ZNF574: variants seen among roughly 807,000 people sequenced by gnomAD.
ZNF574 encodes zinc finger protein 574.
ZNF574 carries 25 observed loss-of-function variants against 56.6 expected under a neutral mutation model. That is an observed-to-expected ratio of 0.44 (90% CI 0.32 to 0.62). The LOEUF is 0.62. Among genes scored for constraint, ZNF574 ranks in the 20% least tolerant of loss-of-function variants. ZNF574 has a pLI of 0.04. For missense variants in ZNF574, 1,065 were observed against 1,218.9 expected, an observed-to-expected ratio of 0.87 and a Z score of 1.88; for synonymous variants, 543 against 492.1, an observed-to-expected ratio of 1.10 and a Z score of -1.37.
chr19:42,074,952 C>T, upstream of ZNF574: 1 of 152,408 alleles, frequency 6.6e-6, no homozygotes, highest in Non-Finnish European at 1.5e-5. Flanking sequence ...GGCGTGATCT[C>T]GGCTCACTGC....
rs1410720746 is a variant in ZNF574 at position 42,080,964 on chromosome 19, C to T, written c.2358C>T (p.Arg786=). The T allele has an allele frequency of 6.2e-7, 1 of 1,614,154 alleles. No homozygotes were observed. Among genetic ancestry groups the T allele is most frequent in the East Asian group, 2.2e-5 (1 of 44,882 alleles). Residue 786 remains arginine, a synonymous_variant, in exon 2 of 2, where the codon CGC becomes CGT. Coordinates refer to ENST00000359044, the MANE Select transcript of ZNF574 (RefSeq NM_022752.6). The surrounding 1 kb of genome is among the most constrained non-coding windows in gnomAD (Gnocchi z 8.5). The part of the protein sequence containing the change: ...RQSTHLKDHR[R]LHTGERPFAC... ...GTACCCACCTGAAAGACCACCGGCGCCTGCACACAGGTGAGCGGCCCTTTG... is the reference window on the plus strand; with the variant it reads ...GTACCCACCTGAAAGACCACCGGCGTCTGCACACAGGTGAGCGGCCCTTTG...
intron 1 of ZNF574, among the ~76,000 whole-genome samples, chr19:42,077,780 T>C (rs2076465933): frequency 6.6e-6 from 1 of 151,998 alleles, no homozygotes; most frequent in Non-Finnish European, 1.5e-5. Flanking sequence ...GTCTGGGTAT[T>C]CTGGATAGGG....
chr19:42,071,010 T>G (rs1194239470), intron 1 of ZNF574: 3 of 152,142 alleles, frequency 2.0e-5, no homozygotes, highest in Non-Finnish European at 4.4e-5. Context: ...GGTGAGGGGA[T>G]GGGTGGTGAG....
exon 1 of ZNF574, chr19:42,068,642 C>T (rs1475031102): frequency 9.4e-6 from 4 of 427,600 alleles, no homozygotes; most frequent in Admixed American, 4.3e-5. Context: ...AGAGACCTGC[C>T]GAGGGAGACT....
chr19:42,080,585 C>A lies in ZNF574; in HGVS notation c.1979C>A (p.Ala660Asp). 6.2e-7 allele frequency: 1 copy of A among 1,612,900 alleles called. No homozygotes were observed. The highest frequency in any genetic ancestry group is 8.5e-7 in the Non-Finnish European group (1 of 1,179,824). Reference protein sequence around the residue: ...RLREHRCAAAAAQAPRRFECG... With the variant: ...RLREHRCAAADAQAPRRFECG... ...CGGGAGCACCGCTGTGCAGCCGCTG[C>A]TGCCCAGGCCCCACGGCGCTTTGAG... The change falls in exon 2 of 2, where the codon GCT (alanine) becomes GAT (aspartate). Residue 660 changes from alanine to aspartate, a missense_variant. Ala to Asp is a moderately radical substitution (Grantham distance 126). Coordinates refer to ENST00000359044, the MANE Select transcript of ZNF574 (RefSeq NM_022752.6). This position sits in a 1 kb window ranked among gnomAD's most constrained non-coding sequence, Gnocchi z 8.5.
In ZNF574 at chr19:42,076,171, C is replaced by G. The variant is rs958994217; in HGVS notation, c.-136C>G. ...TGCTGAGGGTAGCTGGGGGCGAGAG[C>G]GAGGCTACGGAGCAGGCGAGAGGCG... On this transcript the variant is annotated 5_prime_UTR_variant, in exon 1 of 2. Coordinates refer to ENST00000359044, the MANE Select transcript of ZNF574 (RefSeq NM_022752.6). 1 of 152,348 alleles carries G rather than the reference C, an allele frequency of 6.6e-6. No homozygotes were observed. The highest frequency in any genetic ancestry group is 1.5e-5 in the Non-Finnish European group (1 of 68,190). 9.4% of individuals were successfully genotyped at this position (152,348 alleles called of 1,614,324 possible).
At chr19:42,073,488 A>G (rs1286594840), upstream of ZNF574, among the ~76,000 whole-genome samples, 4 of 150,834 alleles carry the variant, frequency 2.7e-5, no homozygotes, top group Non-Finnish European at 4.4e-5. Context: ...GAGTTCTGAG[A>G]CCAGCCTGGG....
At chr19:42,076,005 G>A (rs561541142), upstream of ZNF574, among the ~76,000 whole-genome samples, 11 of 152,256 alleles carry the variant, frequency 7.2e-5, no homozygotes, top group East Asian at 1.9e-4. Context: ...GGGCGCTGCG[G>A]GGAATCTCGA....
At chr19:42,077,813 C>G (rs2076466242) in intron 1 of ZNF574, among the ~76,000 whole-genome samples, 1 of 151,916 alleles carries the variant, frequency 6.6e-6, no homozygotes, top group African/African-American at 2.4e-5. Context: ...AGGAGAGGGC[C>G]TTGATTTGTA....
Position 42,078,580 on chromosome 19 carries a change from C to G in ZNF574, c.-20-7C>G, listed in dbSNP as rs761947754. 42 of 1,596,604 alleles carry G rather than the reference C, an allele frequency of 2.6e-5. No individual in the cohort carries two copies. In the South Asian group the frequency reaches 4.7e-4, roughly 18 times the overall value. ...AACTGGTTTGTCCCCACTGTCTCCT[C>G]TTCCAGCCCAGGGCCTTGCTGCCGC... On this transcript the variant is annotated splice_region_variant and splice_polypyrimidine_tract_variant and intron_variant, in intron 1 of 1. Transcript: ENST00000359044.
In ZNF574 at chr19:42,079,083, T is replaced by G. The variant is rs2076475718; in HGVS notation, c.477T>G (p.Pro159=). Residue 159 remains proline, a synonymous_variant, in exon 2 of 2, where the codon CCT becomes CCG. Transcript: ENST00000359044. This position sits in a 1 kb window ranked among gnomAD's most constrained non-coding sequence, Gnocchi z 4.3. ...CCACACCCACCAAGGCTCCTGCCCC[T>G]GTTGTCCTGGGGTCCCCAGTTGTTC... The part of the protein sequence containing the change: ...LRATPTKAPA[P]VVLGSPVVLG... 6.2e-7 allele frequency: 1 copy of G among 1,614,124 alleles called. No individual in the cohort carries two copies.
rs771668271 is a variant in ZNF574, at chr19:42,079,236, G to T, written c.630G>T (p.Glu210Asp). Residue 210 changes from glutamate (E) to aspartate (D), a missense_variant, in exon 2 of 2, where the codon GAG becomes GAT. Physicochemically the swap from Glu to Asp is conservative, Grantham distance 45 (BLOSUM62 2). Coordinates refer to ENST00000359044, the MANE Select transcript of ZNF574 (RefSeq NM_022752.6). This position sits in a 1 kb window ranked among gnomAD's most constrained non-coding sequence, Gnocchi z 4.3. The part of the protein sequence containing the change: ...ATTTEVVTEV[E>D]LLLYKCSECS... ...CCACTGAGGTAGTGACTGAGGTGGA[G>T]CTGCTCCTCTACAAGTGCTCTGAGT... The T allele has an allele frequency of 1.2e-6, 2 of 1,614,056 alleles. 1 individual carries two copies. The highest frequency in any genetic ancestry group is 3.3e-5 in the Admixed American group (2 of 60,024).
upstream of ZNF574, among the ~76,000 whole-genome samples, chr19:42,074,456 TAAATAAAATAAAATAAAATA>T (rs58694360): frequency 8.9e-5 from 13 of 146,050 alleles, no homozygotes; most frequent in Admixed American, 2.0e-4. Flanking sequence ...CTCTGTCTCA[TAAATAAAATAAAATAAAATA>T]AAATAAAATA....
At chr19:42,076,816 C>A (rs887503114) in intron 1 of ZNF574, among the ~76,000 whole-genome samples, 1 of 151,868 alleles carries the variant, frequency 6.6e-6, no homozygotes, top group Non-Finnish European at 1.5e-5. Context: ...CCCAAGGGAA[C>A]GGTTTAGAGC....
chr19:42,076,006 G>A (rs529421846), upstream of ZNF574, among the ~76,000 whole-genome samples: 99 of 152,344 alleles, frequency 6.5e-4, no homozygotes, highest in South Asian at 0.011. Flanking sequence ...GGCGCTGCGG[G>A]GAATCTCGAC....
rs779167212 is a variant in ZNF574, at chr19:42,079,936, G to C, written c.1330G>C (p.Glu444Gln). 6.2e-7 allele frequency: 1 copy of C among 1,613,852 alleles called. No homozygotes were observed. The highest frequency in any genetic ancestry group is 8.5e-7 in the Non-Finnish European group (1 of 1,180,014). Residue 444 changes from glutamate to glutamine, a missense_variant, in exon 2 of 2, where the codon GAG becomes CAG. Transcript: ENST00000359044. The surrounding 1 kb of genome is among the most constrained non-coding windows in gnomAD (Gnocchi z 4.3). ...FPEPAPAETG[E>Q]PEAPEPPVSE... is the part of the protein sequence containing the mutation. ...TGAGCCAGCCCCAGCAGAGACTGGAGAGCCAGAGGCCCCTGAGCCCCCTGT... is the reference window on the plus strand; with the variant it reads ...TGAGCCAGCCCCAGCAGAGACTGGACAGCCAGAGGCCCCTGAGCCCCCTGT...
In ZNF574 at chr19:42,079,447, G is replaced by A. The variant is rs769851400; in HGVS notation, c.841G>A (p.Gly281Ser). Residue 281 changes from glycine (G) to serine (S), a missense_variant, in exon 2 of 2, where the codon GGT becomes AGT. Gly to Ser is a moderately conservative substitution (Grantham distance 56). Transcript: ENST00000359044. This position sits in a 1 kb window ranked among gnomAD's most constrained non-coding sequence, Gnocchi z 4.3. ...TGACCACAGTTACGAGCTGCGCAATGGTGAAGCCATTGGGCGGGATCGCCG... is the reference window on the plus strand; with the variant it reads ...TGACCACAGTTACGAGCTGCGCAATAGTGAAGCCATTGGGCGGGATCGCCG... ...ASDHSYELRN[G>S]EAIGRDRRGR... 9 of 1,613,624 alleles carry A rather than the reference G, an allele frequency of 5.6e-6. No individual in the cohort carries two copies. The South Asian group carries it at 9.9e-5, about 18-fold the overall frequency.
chr19:42,075,225 C>T (rs1240784641), upstream of ZNF574: 4 of 152,292 alleles, frequency 2.6e-5, no homozygotes, highest in South Asian at 6.2e-4. Flanking sequence ...CCTCCCAAGG[C>T]CCTGAGGGGC....
chr19:42,076,606 T>C (rs572608420), intron 1 of ZNF574, among the ~76,000 whole-genome samples: 2 of 152,092 alleles, frequency 1.3e-5, no homozygotes, highest in East Asian at 1.9e-4. Context: ...TCCCCAGGGT[T>C]TGGGGTAAAG....
Sources: gnomAD v4.1 joint callset for allele counts (sites outside exome capture counted in the v4.1 genomes callset) on GRCh38, gnomAD v4.1.1 for gene constraint, Gnocchi (gnomAD v3.1) non-coding constraint, MANE v1.5 for transcripts, NCBI Gene and HGNC (gene_info 2026-07-23, HGNC 2026-07-21) for gene names.